Variants in DAAM1 observed in about 807,000 individuals in gnomAD.
DAAM1 encodes the protein dishevelled associated activator of morphogenesis 1.
A neutral mutation model predicts 130.0 loss-of-function variants in DAAM1; 52 were observed. That is an observed-to-expected ratio of 0.40 (90% confidence interval 0.32 to 0.50). The LOEUF (loss-of-function observed/expected upper bound fraction) is 0.50, where lower values mean the gene tolerates loss of function less well. Among genes scored for constraint, DAAM1 ranks in the 20% least tolerant of loss-of-function variants. The pLI is 0.61. For synonymous variants in DAAM1, 452 were observed against 444.5 expected, an observed-to-expected ratio of 1.02 and a Z score of -0.21; for missense variants, 1,134 against 1,303.8, an observed-to-expected ratio of 0.87 and a Z score of 2.01.
At chr14:59,365,515 A>C (rs2031802) in intron 23 of DAAM1, among the ~76,000 whole-genome samples, 19,683 of 152,200 alleles carry the variant, frequency 0.13, 1,686 homozygotes, top group African/African-American at 0.24. Context: ...TCCTCAGTGA[A>C]GACAGAAATG....
chr14:59,367,251 G>C (rs1398489718), intron 23 of DAAM1, among the ~76,000 whole-genome samples, 178 bp from the exon 24 acceptor site: 1 of 152,142 alleles, frequency 6.6e-6, no homozygotes, highest in South Asian at 2.1e-4. Context: ...TCATGCCACT[G>C]CACTCCAGCC....
rs370426049 is a variant in DAAM1 at position 59,371,096 on chromosome 14, GAAAAA to G, written c.*2245_*2249del. The G allele has an allele frequency of 6.7e-5, 6 of 89,082 alleles. No individual in the cohort carries two copies. Among genetic ancestry groups the G allele is most frequent in the Admixed American group, 6.6e-4 (5 of 7,556 alleles). 5.5% of individuals were successfully genotyped at this position (89,082 alleles called of 1,614,324 possible). On this transcript the variant is annotated 3_prime_UTR_variant, in exon 25 of 25. Transcript: ENST00000360909. The stretch of plus-strand genomic sequence containing the variant: ...TAATTCCATGTGCCATTGTTGAAAA[GAAAAA>G]AAAAAAACAAAAAAAAAACCTACTT...
chr14:59,338,264 A>G (rs1336431619), intron 15 of DAAM1: 3 of 998,158 alleles, frequency 3.0e-6, no homozygotes, highest in Admixed American at 1.9e-5. Flanking sequence ...AGGGGCATAA[A>G]TCATCTCTTA....
chr14:59,288,901 G>A (rs766723618), intron 2 of DAAM1, among the ~76,000 whole-genome samples: 2 of 150,480 alleles, frequency 1.3e-5, no homozygotes, highest in Admixed American at 6.6e-5. Flanking sequence ...TGTTGTTTTT[G>A]TTTGTTTGTT....
intron 23 of DAAM1, among the ~76,000 whole-genome samples, chr14:59,366,460 C>T (rs983370039): frequency 2.0e-5 from 3 of 152,078 alleles, no homozygotes; most frequent in African/African-American, 7.2e-5. Context: ...CCATATGGCA[C>T]CAGTAAATGA....
chr14:59,219,899 G>A (rs1659031846), intron 1 of DAAM1, among the ~76,000 whole-genome samples: 1 of 152,150 alleles, frequency 6.6e-6, no homozygotes, highest in Admixed American at 6.5e-5. Flanking sequence ...ATTCTTAGCT[G>A]TGGTCCAACA....
chr14:59,367,735 T>G (rs1886976137), intron 24 of DAAM1, 136 bp downstream of exon 24: 1 of 1,200,524 alleles, frequency 8.3e-7, no homozygotes, highest in South Asian at 2.6e-5. Context: ...TGTGGGACTT[T>G]ACATTGGTGT....
At position 59,327,402 on chromosome 14, in the gene DAAM1, CTTTTTTTTTT is replaced by C. The variant is rs386381493; in HGVS notation, c.1372+426_1372+435del. Reference sequence around the variant, plus strand: ...AAGAGAAGAACAGGTCACTTGGTTTCTTTTTTTTTTTTTTTTTTTTTTTTGAGATGGAGTC... The same window carrying C: ...AAGAGAAGAACAGGTCACTTGGTTTCTTTTTTTTTTTTTTGAGATGGAGTC... On this transcript the variant is annotated intron_variant, in intron 12 of 24. Coordinates refer to ENST00000360909, the MANE Select transcript of DAAM1 (RefSeq NM_001270520.2). Among the ~76,000 whole-genome samples, 137 of 58,992 alleles carry C rather than the reference CTTTTTTTTTT, an allele frequency of 2.3e-3. 4 individuals carry two copies. Among genetic ancestry groups the C allele is most frequent in the African/African-American group, 0.01 (131 of 12,920 alleles). The allele number at this position is 58,992 out of a possible 152,430, so 38.7% of individuals were successfully genotyped here. A position where few individuals can be genotyped will look rare whatever the true frequency, so the allele number is the denominator to read the frequency against.
intron 1 of DAAM1, among the ~76,000 whole-genome samples, chr14:59,207,178 A>T (rs1045739018): frequency 9.9e-5 from 15 of 152,220 alleles, no homozygotes; most frequent in African/African-American, 3.6e-4. Flanking sequence ...TGCTGAAATA[A>T]ATTTGCTAGT....
intron 16 of DAAM1, among the ~76,000 whole-genome samples, chr14:59,340,423 C>G (rs1026180721): frequency 1.3e-5 from 2 of 152,178 alleles, no homozygotes; most frequent in East Asian, 3.8e-4. Flanking sequence ...GCAGAACACC[C>G]TGAGTCAATC....
chr14:59,323,922 C>T (rs978345811), intron 6 of DAAM1, among the ~76,000 whole-genome samples: 1 of 151,752 alleles, frequency 6.6e-6, no homozygotes, highest in Non-Finnish European at 1.5e-5. Context: ...GTCCCAGCTA[C>T]TCGGGAGGCT....
chr14:59,349,952 C>T (rs1283718050), intron 17 of DAAM1, among the ~76,000 whole-genome samples: 1 of 152,082 alleles, frequency 6.6e-6, no homozygotes, highest in Non-Finnish European at 1.5e-5. Flanking sequence ...TGAAAGGATC[C>T]TTGAGGCTAG....
At chr14:59,192,274 A>G (rs1887756198) in intron 1 of DAAM1, among the ~76,000 whole-genome samples, 1 of 152,050 alleles carries the variant, frequency 6.6e-6, no homozygotes, top group Admixed American at 6.6e-5. Context: ...TTTACAAGCA[A>G]AAGTTCTGAT....
chr14:59,255,435 G>A (rs373934924), intron 1 of DAAM1, among the ~76,000 whole-genome samples: 11 of 152,132 alleles, frequency 7.2e-5, no homozygotes, highest in African/African-American at 2.7e-4. Context: ...GTGTATTTGG[G>A]AAATGAAACC....
intron 1 of DAAM1, among the ~76,000 whole-genome samples, chr14:59,225,019 GTTTTT>G (rs869233694): frequency 2.9e-4 from 26 of 90,808 alleles, no homozygotes; most frequent in African/African-American, 9.8e-4. Context: ...ATCTGTGTGG[GTTTTT>G]TTTTTTTTTT....
At position 59,359,444 on chromosome 14, in the gene DAAM1, A is replaced by G; in HGVS notation, c.2573A>G (p.Tyr858Cys). Reference sequence around the variant, plus strand: ...CTCATCACTATTGTGGAAAATAAGTACCCCAGTGTTCTCAATCTAAATGAA... The same window carrying G: ...CTCATCACTATTGTGGAAAATAAGTGCCCCAGTGTTCTCAATCTAAATGAA... ...HYLITIVENK[Y>C]PSVLNLNEEL... is the part of the protein sequence containing the mutation. The change falls in exon 21 of 25, where the codon TAC becomes TGC. Residue 858 changes from tyrosine (Y) to cysteine (C), a missense_variant. By Grantham distance (194) the Tyr-to-Cys change is radical. This residue lies in a region of DAAM1 where 644 missense variants were observed against 695.9 expected (regional missense o/e 0.93). Coordinates refer to ENST00000360909, the MANE Select transcript of DAAM1 (RefSeq NM_001270520.2). 1 of 1,613,914 alleles carries G rather than the reference A, an allele frequency of 6.2e-7. No individual in the cohort carries two copies. Among genetic ancestry groups the G allele is most frequent in the Non-Finnish European group, 8.5e-7 (1 of 1,179,894 alleles).
intron 1 of DAAM1, among the ~76,000 whole-genome samples, chr14:59,235,265 T>A (rs1889256760): frequency 6.6e-6 from 1 of 152,218 alleles, no homozygotes; most frequent in African/African-American, 2.4e-5. Flanking sequence ...TGTGAATCCA[T>A]CTGGTCCTGA....
chr14:59,231,393 C>A (rs897017716), intron 1 of DAAM1, among the ~76,000 whole-genome samples: 1 of 152,120 alleles, frequency 6.6e-6, no homozygotes, highest in Non-Finnish European at 1.5e-5. Flanking sequence ...ATGAGCCCTA[C>A]CCTTGAAGTT....
chr14:59,207,433 T>A (rs1888293696), intron 1 of DAAM1, among the ~76,000 whole-genome samples: 1 of 152,210 alleles, frequency 6.6e-6, no homozygotes, highest in Non-Finnish European at 1.5e-5. Context: ...CTATTAAAAA[T>A]TGAAGATCCC....
Sources: gnomAD v4.1 joint callset for allele counts (sites outside exome capture counted in the v4.1 genomes callset) on GRCh38, gnomAD v4.1.1 for gene constraint, gnomAD v4.1.1 regional missense constraint, MANE v1.5 for transcripts, NCBI Gene and HGNC (gene_info 2026-07-23, HGNC 2026-07-21) for gene names.